BAZ1A: variants seen among roughly 807,000 people sequenced by gnomAD.
BAZ1A encodes the protein bromodomain adjacent to zinc finger domain protein 1A.
Under a neutral mutation model 185.2 loss-of-function variants are expected in BAZ1A, and 50 were observed. That is an observed-to-expected ratio of 0.27 (90% CI 0.22 to 0.34). BAZ1A has a LOEUF of 0.34. Among genes scored for constraint, BAZ1A ranks in the 10% least tolerant of loss-of-function variants. The pLI is 1.00. For missense variants in BAZ1A, 1,356 were observed against 1,839.9 expected (o/e 0.74, Z 4.81); for synonymous variants, 571 against 615.6 (o/e 0.93, Z 1.07).
At chr14:34,800,426 A>G in intron 8 of BAZ1A, 36 bp from the exon 9 acceptor site, 1 of 1,449,378 alleles carries the variant, frequency 6.9e-7, no homozygotes. Flanking sequence ...CTATATATAT[A>G]GACAAAATAA....
chr14:34,875,326 C>A lies in BAZ1A; in HGVS notation c.-247G>T, dbSNP rs1166765005. ...CGCCACTTCCCCGCCTCTCGGAGCT[C>A]CTGGGAAGTTTCTGATCTACTTTCG... On this transcript the variant is annotated 5_prime_UTR_variant, in exon 1 of 27. Coordinates refer to ENST00000360310, the MANE Select transcript of BAZ1A (RefSeq NM_013448.3). 4.4e-6 allele frequency: 2 copies of A among 455,942 alleles called. No homozygotes were observed. The highest frequency in any genetic ancestry group is 4.0e-5 in the African/African-American group (2 of 50,070). 28.2% of individuals were successfully genotyped at this position (455,942 alleles called of 1,614,324 possible). A position where few individuals can be genotyped will look rare whatever the true frequency, so the allele number is the denominator to read the frequency against.
At chr14:34,800,453 T>C (rs532318675) in intron 8 of BAZ1A, 63 bp from the exon 9 acceptor site, 1 of 1,264,072 alleles carries the variant, frequency 7.9e-7, no homozygotes, top group Admixed American at 2.7e-5. Context: ...GCAATTTTTT[T>C]GATGTAACAA....
chr14:34,831,332 T>G (rs989376654), intron 3 of BAZ1A, among the ~76,000 whole-genome samples: 1 of 152,166 alleles, frequency 6.6e-6, no homozygotes, highest in Non-Finnish European at 1.5e-5. Context: ...TTTTCTAAGA[T>G]TTTTAAACTT....
At chr14:34,785,265 C>T (rs202048218) in intron 14 of BAZ1A, among the ~76,000 whole-genome samples, 20 of 152,038 alleles carry the variant, frequency 1.3e-4, no homozygotes, top group Non-Finnish European at 2.4e-4. Flanking sequence ...AAAGACTGCA[C>T]AAAAAAACCA....
chr14:34,756,112 T>C (rs1886229883), intron 25 of BAZ1A, among the ~76,000 whole-genome samples: 1 of 115,498 alleles, frequency 8.7e-6, no homozygotes, highest in Non-Finnish European at 2.0e-5. Flanking sequence ...AACTGGTTTT[T>C]TTCTTTTTTT....
intron 17 of BAZ1A, among the ~76,000 whole-genome samples, chr14:34,777,648 A>AG (rs2138591490): frequency 6.6e-6 from 1 of 151,316 alleles, no homozygotes; most frequent in South Asian, 2.1e-4. Context: ...TGTCTCCAAA[A>AG]AAAAAAAAAA....
chr14:34,823,804 T>C (rs1363193126), intron 4 of BAZ1A, among the ~76,000 whole-genome samples: 2 of 152,188 alleles, frequency 1.3e-5, no homozygotes, highest in Non-Finnish European at 2.9e-5. Flanking sequence ...TCAAGAGGCA[T>C]TCCAATAAAT....
intron 4 of BAZ1A, among the ~76,000 whole-genome samples, chr14:34,824,408 C>CAAAAAAAAAAAAAAAAA: frequency 1.5e-5 from 1 of 65,772 alleles, no homozygotes; most frequent in Non-Finnish European, 2.5e-5. Flanking sequence ...AGCAGCAACT[C>CAAAAAAAAAAAAAAAAA]AAAAAAAAAA....
intron 12 of BAZ1A, among the ~76,000 whole-genome samples, chr14:34,791,132 A>AAGAAAAGATAAG (rs1555339939): frequency 3.7e-3 from 360 of 98,388 alleles, no homozygotes; most frequent in African/African-American, 8.3e-3. Flanking sequence ...CAAAAAAGAA[A>AAGAAAAGATAAG]AGAAAAGAGA....
At chr14:34,817,657 A>C (rs963617331) in intron 4 of BAZ1A, among the ~76,000 whole-genome samples, 2 of 152,350 alleles carry the variant, frequency 1.3e-5, no homozygotes, top group Middle Eastern at 6.8e-3. Flanking sequence ...AAAGACAAAC[A>C]ACCCAATTTA....
chr14:34,786,420 C>T, intron 12 of BAZ1A, 199 bp from the exon 13 acceptor site: 1 of 474,030 alleles, frequency 2.1e-6, no homozygotes, highest in Non-Finnish European at 3.7e-6. Flanking sequence ...GCACTACACA[C>T]TGACATTTCT....
intron 21 of BAZ1A, among the ~76,000 whole-genome samples, chr14:34,769,143 C>T (rs535202841): frequency 6.6e-6 from 1 of 152,190 alleles, no homozygotes; most frequent in Non-Finnish European, 1.5e-5. Context: ...GATATATATT[C>T]CATCTCAAAT....
At chr14:34,772,713 A>G (rs1044544335) in intron 20 of BAZ1A, among the ~76,000 whole-genome samples, 8 of 152,120 alleles carry the variant, frequency 5.3e-5, no homozygotes, top group Admixed American at 3.3e-4. Context: ...GTCCTGGGGT[A>G]CAACGATGGA....
chr14:34,775,116 T>C (rs1277927903), intron 18 of BAZ1A, among the ~76,000 whole-genome samples: 2 of 151,984 alleles, frequency 1.3e-5, no homozygotes, highest in Non-Finnish European at 2.9e-5. Flanking sequence ...CTTGGGAGGC[T>C]GAGACAGGAG....
chr14:34,774,367 A>C lies in BAZ1A; in HGVS notation c.2957T>G (p.Ile986Ser). Residue 986 changes from isoleucine (I) to serine (S), a missense_variant, in exon 19 of 27, where the codon ATT (isoleucine) becomes AGT (serine). Transcript: ENST00000360310. ...ELRLRDFLLD[I>S]EDRIYQGTLG... Reference sequence around the variant, plus strand: ...TGTTCCTTGGTAGATTCTATCTTCAATATCTAAAAGAAAATCTCTCAGCCT... The same window carrying C: ...TGTTCCTTGGTAGATTCTATCTTCACTATCTAAAAGAAAATCTCTCAGCCT... 6.2e-7 allele frequency: 1 copy of C among 1,613,522 alleles called. No homozygotes were observed. Among genetic ancestry groups the C allele is most frequent in the South Asian group, 1.1e-5 (1 of 90,916 alleles).
chr14:34,762,288 T>C (rs1886558345), intron 23 of BAZ1A, 65 bp from the exon 24 acceptor site: 3 of 1,449,228 alleles, frequency 2.1e-6, no homozygotes, highest in Non-Finnish European at 1.9e-6. Context: ...ATTAGCTCTA[T>C]TCTCCTTGTT....
intron 5 of BAZ1A, among the ~76,000 whole-genome samples, chr14:34,810,471 A>C (rs2041914673): frequency 6.6e-6 from 1 of 152,240 alleles, no homozygotes; most frequent in South Asian, 2.1e-4. Context: ...TGTCTAATGA[A>C]TACTACAAAC....
At chr14:34,834,024 G>A (rs569319058) in intron 3 of BAZ1A, among the ~76,000 whole-genome samples, 2 of 152,270 alleles carry the variant, frequency 1.3e-5, no homozygotes, top group South Asian at 4.1e-4. Flanking sequence ...ATAAACCAGT[G>A]TTTCTCAAGA....
intron 3 of BAZ1A, among the ~76,000 whole-genome samples, chr14:34,838,570 G>C (rs2042364239): frequency 6.6e-6 from 1 of 150,682 alleles, no homozygotes; most frequent in Non-Finnish European, 1.5e-5. Context: ...TACCCAGGCT[G>C]GAGTTCAGTG....
Sources: gnomAD v4.1 joint callset for allele counts (sites outside exome capture counted in the v4.1 genomes callset) on GRCh38, gnomAD v4.1.1 for gene constraint, MANE v1.5 for transcripts, NCBI Gene and HGNC (gene_info 2026-07-23, HGNC 2026-07-21) for gene names.